Variants in TLK2 observed in about 807,000 individuals in gnomAD.
TLK2 encodes the protein serine/threonine-protein kinase tousled-like 2.
In TLK2, 6 loss-of-function variants were observed where a neutral mutation model predicts 117.3. The observed-to-expected ratio is 0.05, with a 90% CI of 0.03 to 0.10. The LOEUF (loss-of-function observed/expected upper bound fraction) is 0.10, where lower values mean the gene tolerates loss of function less well. Ranked by LOEUF, TLK2 falls within the 10% of genes least tolerant of loss-of-function variation. The pLI, the probability that TLK2 is intolerant of heterozygous loss-of-function variation, is 1.00. For missense variants in TLK2, 299 were observed against 901.2 expected, an observed-to-expected ratio of 0.33 and a Z score of 8.56; for synonymous variants, 257 against 316.7, an observed-to-expected ratio of 0.81 and a Z score of 2.00.
At chr17:62,591,601 G>C (rs953208703) in intron 16 of TLK2, among the ~76,000 whole-genome samples, 1 of 152,158 alleles carries the variant, frequency 6.6e-6, no homozygotes, top group Non-Finnish European at 1.5e-5. Flanking sequence ...AAAACGTAAA[G>C]ATGATGAAAT....
chr17:62,512,411 C>T (rs1171294830), intron 2 of TLK2, among the ~76,000 whole-genome samples: 10 of 151,726 alleles, frequency 6.6e-5, no homozygotes, highest in Non-Finnish European at 1.2e-4. Flanking sequence ...TCAGTAGAGA[C>T]GGGGTTTCTC....
chr17:62,612,854 A>G lies in TLK2; in HGVS notation c.*289A>G. ...AGTGAGGAAAAAATTAAAAAGAAAA[A>G]CTGGTTCCATGTACTGTGAACTTGA... On this transcript the variant is annotated 3_prime_UTR_variant, in exon 22 of 22. Transcript: ENST00000346027. 4.5e-6 allele frequency: 1 copy of G among 223,832 alleles called. No homozygotes were observed. Among genetic ancestry groups the G allele is most frequent in the East Asian group, 9.9e-5 (1 of 10,058 alleles). 13.9% of individuals were successfully genotyped at this position (223,832 alleles called of 1,614,324 possible). A position where few individuals can be genotyped will look rare whatever the true frequency, so the allele number is the denominator to read the frequency against.
intron 17 of TLK2, among the ~76,000 whole-genome samples, chr17:62,598,699 A>G (rs1040204140): frequency 1.3e-5 from 2 of 150,962 alleles, no homozygotes; most frequent in Admixed American, 6.6e-5. Context: ...TAATTTTTGT[A>G]TTTTTAGTAG....
chr17:62,533,624 G>A (rs2076912084), intron 6 of TLK2, among the ~76,000 whole-genome samples: 1 of 151,746 alleles, frequency 6.6e-6, no homozygotes, highest in Non-Finnish European at 1.5e-5. Context: ...CTACAGGCAT[G>A]TGCCACCATG....
Position 62,517,256 on chromosome 17 carries a change from C to A in TLK2, c.82-3517C>A, listed in dbSNP as rs192713612. Among the ~76,000 whole-genome samples the A allele has an allele frequency of 1.7e-4, 26 of 152,142 alleles. No homozygotes were observed. The East Asian group carries it at 4.5e-3, about 26-fold the overall frequency. ...CTTTCACCATTGAATAGCCTTGGCACCTTATCAAAAATCATTTGACCATGT... is the reference window on the plus strand; with the variant it reads ...CTTTCACCATTGAATAGCCTTGGCAACTTATCAAAAATCATTTGACCATGT... On this transcript the variant is annotated intron_variant, in intron 2 of 21. Coordinates refer to ENST00000346027, the MANE Select transcript of TLK2 (RefSeq NM_006852.6).
At chr17:62,558,194 G>A (rs1415866955) in intron 9 of TLK2, among the ~76,000 whole-genome samples, 2 of 151,322 alleles carry the variant, frequency 1.3e-5, no homozygotes, top group Non-Finnish European at 2.9e-5. Context: ...AAAGGACACA[G>A]TGTCTTGCTC....
At chr17:62,607,979 G>T in intron 20 of TLK2, 62 bp from the exon 21 acceptor site, 1 of 1,398,660 alleles carries the variant, frequency 7.1e-7, no homozygotes, top group Non-Finnish European at 9.9e-7. Flanking sequence ...CTGGGGTATT[G>T]AATTGTTTTC....
intron 10 of TLK2, among the ~76,000 whole-genome samples, chr17:62,562,352 C>T (rs975793634): frequency 2.0e-5 from 3 of 152,122 alleles, no homozygotes; most frequent in Non-Finnish European, 2.9e-5. Flanking sequence ...TAGAATGAGA[C>T]TGTCTCAAAA....
chr17:62,474,374 G>A (rs1306732594), upstream of TLK2, among the ~76,000 whole-genome samples: 3 of 150,678 alleles, frequency 2.0e-5, no homozygotes, highest in East Asian at 2.0e-4. Context: ...CACCGCGCCC[G>A]GCCCTGTATT....
intron 16 of TLK2, among the ~76,000 whole-genome samples, chr17:62,592,444 A>T (rs928272823): frequency 6.6e-6 from 1 of 152,250 alleles, no homozygotes; most frequent in Non-Finnish European, 1.5e-5. Context: ...CAATGGGGCT[A>T]CATTTTGAGA....
chr17:62,534,782 C>T lies in TLK2; in HGVS notation c.364-1388C>T, dbSNP rs534640655. 5.3e-5 allele frequency among the ~76,000 whole-genome samples: 8 copies of T among 149,668 alleles called. No individual in the cohort carries two copies. The South Asian group carries it at 1.7e-3, about 32-fold the overall frequency. On this transcript the variant is annotated intron_variant, in intron 6 of 21. Transcript: ENST00000346027. ...GTGTTACTTTTGTCTTGTTTTCTAGCTTTAATTGAAAGGGTCTCCAGTCTT... is the reference window on the plus strand; with the variant it reads ...GTGTTACTTTTGTCTTGTTTTCTAGTTTTAATTGAAAGGGTCTCCAGTCTT...
chr17:62,551,096 G>A (rs1165857539), intron 7 of TLK2, among the ~76,000 whole-genome samples: 2 of 152,172 alleles, frequency 1.3e-5, no homozygotes, highest in East Asian at 3.9e-4. Context: ...AGGATTACAG[G>A]TGAGCCACCT....
intron 6 of TLK2, among the ~76,000 whole-genome samples, chr17:62,530,593 G>C (rs2076677531): frequency 1.3e-5 from 2 of 152,162 alleles, no homozygotes; most frequent in Admixed American, 1.3e-4. Flanking sequence ...TACTGATTTG[G>C]TGGTAGTGGT....
At chr17:62,602,267 C>A in intron 19 of TLK2, 87 bp downstream of exon 19, 1 of 1,397,824 alleles carries the variant, frequency 7.2e-7, no homozygotes, top group Non-Finnish European at 9.5e-7. Context: ...TTGCTGTATG[C>A]TATCTGCTAG....
intron 16 of TLK2, among the ~76,000 whole-genome samples, chr17:62,594,575 T>G (rs1412801517): frequency 6.6e-6 from 1 of 152,200 alleles, no homozygotes; most frequent in East Asian, 1.9e-4. Context: ...ACAAAAACAT[T>G]ACCCAGCTTC....
At chr17:62,476,155 T>A (rs1429630520), upstream of TLK2, among the ~76,000 whole-genome samples, 1 of 151,986 alleles carries the variant, frequency 6.6e-6, no homozygotes, top group Admixed American at 6.5e-5. Context: ...AATTTTTGTA[T>A]TTTTAGTAGA....
chr17:62,593,709 TG>T (rs2082247590), intron 16 of TLK2, among the ~76,000 whole-genome samples: 3 of 151,814 alleles, frequency 2.0e-5, no homozygotes, highest in African/African-American at 7.3e-5. Flanking sequence ...TGCCTTTTCC[TG>T]GGATACCCTC....
chr17:62,508,944 G>C (rs2074935345), intron 2 of TLK2, among the ~76,000 whole-genome samples: 1 of 151,978 alleles, frequency 6.6e-6, no homozygotes, highest in Non-Finnish European at 1.5e-5. Flanking sequence ...CTCCTGCCTG[G>C]GCAATAGAGT....
At position 62,608,246 on chromosome 17, in the gene TLK2, C is replaced by T. The variant is rs2083459298; in HGVS notation, c.2079+98C>T. 6.8e-6 allele frequency: 6 copies of T among 882,162 alleles called. No homozygotes were observed. In the East Asian group the frequency reaches 1.3e-4, roughly 19 times the overall value. 54.6% of individuals were successfully genotyped at this position (882,162 alleles called of 1,614,324 possible). On this transcript the variant is annotated intron_variant, in intron 21 of 21. Coordinates refer to ENST00000346027, the MANE Select transcript of TLK2 (RefSeq NM_006852.6). ...TGGATGGATTCTTCAGTGTGAAATT[C>T]AGCAGTTAATAAAAATATTAGGATA...
Sources: gnomAD v4.1 joint callset for allele counts (sites outside exome capture counted in the v4.1 genomes callset) on GRCh38, gnomAD v4.1.1 for gene constraint, MANE v1.5 for transcripts, NCBI Gene and HGNC (gene_info 2026-07-23, HGNC 2026-07-21) for gene names.